Variants in RNF111 observed in about 807,000 individuals in gnomAD.
RNF111 encodes E3 ubiquitin-protein ligase Arkadia.
A neutral mutation model predicts 95.1 loss-of-function variants in RNF111; 17 were observed. That is an observed-to-expected ratio of 0.18 (90% CI 0.12 to 0.27). RNF111 has a LOEUF of 0.27. Ranked by LOEUF, RNF111 falls within the 10% of genes least tolerant of loss-of-function variation. The probability of loss-of-function intolerance (pLI) is 1.00; values close to 1 mark genes in which losing one functional copy is unlikely to be tolerated. For missense variants in RNF111, 1,189 were observed against 1,210.4 expected (o/e 0.98, Z 0.26); for synonymous variants, 440 against 414.8 (o/e 1.06, Z -0.74).
At chr15:59,038,340 T>C (rs2041285097) in intron 2 of RNF111, among the ~76,000 whole-genome samples, 1 of 152,218 alleles carries the variant, frequency 6.6e-6, no homozygotes, top group Admixed American at 6.5e-5. Flanking sequence ...ATTTTCCATG[T>C]GTAGTCCATA....
At chr15:59,034,460 C>T (rs1243553563) in intron 2 of RNF111, among the ~76,000 whole-genome samples, 1 of 152,064 alleles carries the variant, frequency 6.6e-6, no homozygotes, top group Non-Finnish European at 1.5e-5. Flanking sequence ...CACTCTGTGC[C>T]AGTAATGTTC....
intron 1 of RNF111, among the ~76,000 whole-genome samples, chr15:59,016,343 T>C (rs1163222762): frequency 6.6e-5 from 10 of 151,932 alleles, no homozygotes; most frequent in Admixed American, 6.6e-4. Context: ...CTGATTTCTG[T>C]ATTTTTAGTA....
chr15:58,989,812 A>G (rs2038731595), intron 1 of RNF111, among the ~76,000 whole-genome samples: 1 of 152,220 alleles, frequency 6.6e-6, no homozygotes, highest in Non-Finnish European at 1.5e-5. Context: ...ATTTTACTTT[A>G]AAATAAAAAA....
At chr15:59,005,865 T>C (rs2039518362) in intron 1 of RNF111, among the ~76,000 whole-genome samples, 1 of 152,338 alleles carries the variant, frequency 6.6e-6, no homozygotes, top group East Asian at 1.9e-4. Context: ...CCCTTTGTGG[T>C]AAATATTTTC....
rs10083611 is a variant in RNF111, at chr15:59,003,566, T to A, written c.-20+15498T>A. 8.0e-3 allele frequency among the ~76,000 whole-genome samples: 1,212 copies of A among 151,304 alleles called. 11 individuals are homozygous for A. The highest frequency in any genetic ancestry group is 0.013 in the Non-Finnish European group (873 of 67,846). On this transcript the variant is annotated intron_variant, in intron 1 of 13. Coordinates refer to ENST00000348370, the MANE Select transcript of RNF111 (RefSeq NM_017610.8). ...GGTGCGTGCTACCACACCCAGCTAA[T>A]TTTTTTAAAATTTTTTGTAGAGACA...
intron 9 of RNF111, 88 bp from the exon 10 acceptor site, chr15:59,085,571 A>T: frequency 8.7e-7 from 1 of 1,143,664 alleles, no homozygotes; most frequent in Non-Finnish European, 1.2e-6. Context: ...ACCTTAGATT[A>T]CTTTTTTAAG....
chr15:58,998,783 A>C (rs2039197489), intron 1 of RNF111, among the ~76,000 whole-genome samples: 1 of 152,234 alleles, frequency 6.6e-6, no homozygotes, highest in Non-Finnish European at 1.5e-5. Context: ...GCAGTTTCTC[A>C]GGACTTTGCA....
chr15:59,059,723 G>A (rs2042353878), intron 5 of RNF111, among the ~76,000 whole-genome samples: 1 of 151,996 alleles, frequency 6.6e-6, no homozygotes, highest in African/African-American at 2.4e-5. Context: ...TGATATCTCT[G>A]GCTCTCTCTT....
intron 3 of RNF111, among the ~76,000 whole-genome samples, chr15:59,055,037 G>A (rs1307625987): frequency 6.6e-6 from 1 of 152,164 alleles, no homozygotes; most frequent in Non-Finnish European, 1.5e-5. Flanking sequence ...ACAGTGTAAT[G>A]CCACACACAT....
At chr15:59,035,207 A>T (rs2041115323) in intron 2 of RNF111, among the ~76,000 whole-genome samples, 1 of 152,184 alleles carries the variant, frequency 6.6e-6, no homozygotes, top group Non-Finnish European at 1.5e-5. Context: ...CCTGTCCATG[A>T]CACGTGGGAA....
At chr15:58,994,264 C>G (rs1416971293) in intron 1 of RNF111, among the ~76,000 whole-genome samples, 1 of 151,420 alleles carries the variant, frequency 6.6e-6, no homozygotes, top group Non-Finnish European at 1.5e-5. Flanking sequence ...GTCTCGAACT[C>G]CTGACCTCAA....
chr15:59,069,577 C>A (rs1205146551), intron 6 of RNF111, among the ~76,000 whole-genome samples: 26 of 152,124 alleles, frequency 1.7e-4, no homozygotes, highest in African/African-American at 6.3e-4. Context: ...GTTTACCCAC[C>A]TGTAAGTATT....
intron 3 of RNF111, 77 bp downstream of exon 3, chr15:59,052,508 C>T: frequency 9.4e-7 from 1 of 1,058,382 alleles, no homozygotes; most frequent in Non-Finnish European, 1.3e-6. Context: ...CAGATATTTG[C>T]ATTCTTTTTA....
chr15:59,018,763 CAG>C (rs1567215169), intron 1 of RNF111, among the ~76,000 whole-genome samples: 2 of 152,246 alleles, frequency 1.3e-5, no homozygotes, highest in African/African-American at 4.8e-5. Flanking sequence ...CTTTCCATAA[CAG>C]TTTGTACAAA....
At chr15:59,039,937 G>C (rs1163970803) in intron 2 of RNF111, among the ~76,000 whole-genome samples, 1 of 151,784 alleles carries the variant, frequency 6.6e-6, no homozygotes, top group Non-Finnish European at 1.5e-5. Context: ...GCATGGTCTC[G>C]ATCTCCTGAC....
chr15:59,031,127 C>G lies in RNF111; in HGVS notation c.305C>G (p.Pro102Arg), dbSNP rs757533113. Residue 102 changes from proline to arginine, a missense_variant, in exon 2 of 14, where the codon CCT becomes CGT. Pro to Arg is a moderately radical substitution (Grantham distance 103). Transcript: ENST00000348370. ...AAACGCAAAAGCCAGCAGGCTGGCC[C>G]TTCGTATGTGCAGAATTGTGTTAAA... ...RKKRKSQQAGPSYVQNCVKEN... is the reference protein window; with the variant it reads ...RKKRKSQQAGRSYVQNCVKEN... 1 of 1,614,052 alleles carries G rather than the reference C, an allele frequency of 6.2e-7. No individual in the cohort carries two copies. Among genetic ancestry groups the G allele is most frequent in the African/African-American group, 1.3e-5 (1 of 74,918 alleles).
intron 6 of RNF111, among the ~76,000 whole-genome samples, chr15:59,068,877 C>A (rs1295760701): frequency 6.6e-6 from 1 of 152,018 alleles, no homozygotes; most frequent in Non-Finnish European, 1.5e-5. Flanking sequence ...GAGTTCGAGA[C>A]CAGCCTGACC....
intron 1 of RNF111, among the ~76,000 whole-genome samples, chr15:59,000,023 GC>G (rs1352238175): frequency 6.6e-6 from 1 of 152,012 alleles, no homozygotes; most frequent in African/African-American, 2.4e-5. Flanking sequence ...CTCCAGGCAG[GC>G]CCCACCTCCA....
chr15:59,003,854 A>G (rs2039428761), intron 1 of RNF111: 1 of 153,242 alleles, frequency 6.5e-6, no homozygotes, highest in African/African-American at 2.4e-5. Context: ...TAGGCTTTCA[A>G]TAAATATTTA....
Sources: gnomAD v4.1 joint callset for allele counts (sites outside exome capture counted in the v4.1 genomes callset) on GRCh38, gnomAD v4.1.1 for gene constraint, MANE v1.5 for transcripts, NCBI Gene and HGNC (gene_info 2026-07-23, HGNC 2026-07-21) for gene names.